RGS3: variants seen among roughly 807,000 people sequenced by gnomAD.
RGS3 encodes regulator of G-protein signalling 3.
A neutral mutation model predicts 132.6 loss-of-function variants in RGS3; 80 were observed. The observed-to-expected ratio is 0.60, with a 90% CI of 0.50 to 0.73. The LOEUF is 0.73. RGS3 is among the 30% of genes least tolerant of loss of function. RGS3 has a pLI of 0.00. For synonymous variants in RGS3, 598 were observed against 620.6 expected (o/e 0.96, Z 0.54); for missense variants, 1,382 against 1,530.8 (o/e 0.90, Z 1.62).
chr9:113,454,642 A>G (rs1250254342), intron 1 of RGS3, among the ~76,000 whole-genome samples: 2 of 151,884 alleles, frequency 1.3e-5, no homozygotes, highest in Non-Finnish European at 2.9e-5. Flanking sequence ...ACAAAAACCA[A>G]AATCAAAAAC....
chr9:113,512,367 C>T (rs1448203578), intron 14 of RGS3, among the ~76,000 whole-genome samples: 1 of 152,182 alleles, frequency 6.6e-6, no homozygotes, highest in East Asian at 1.9e-4. Flanking sequence ...TGTGCCCATC[C>T]AGGGCTCATG....
chr9:113,549,469 CT>C (rs148990898), intron 19 of RGS3, among the ~76,000 whole-genome samples: 1 of 151,424 alleles, frequency 6.6e-6, no homozygotes, highest in Non-Finnish European at 1.5e-5. Context: ...ATGCAGTTGA[CT>C]TTTTTTTTGT....
At position 113,553,456 on chromosome 9, in the gene RGS3, AAAAATATATAT is replaced by A. The variant is rs1189717018; in HGVS notation, c.2037+16540_2037+16550del. 1.8e-3 allele frequency among the ~76,000 whole-genome samples: 180 copies of A among 98,004 alleles called. 1 individual carries two copies. Among genetic ancestry groups the A allele is most frequent in the African/African-American group, 6.9e-3 (164 of 23,656 alleles). The allele number at this position is 98,004 out of a possible 152,430, so 64.3% of individuals were successfully genotyped here. ...AAACTCTGTTTAAAAAAAAAAAAAA[AAAAATATATAT>A]ATATATATATATATATATATATATG... On this transcript the variant is annotated intron_variant, in intron 19 of 24. Coordinates refer to ENST00000350696, the Ensembl canonical transcript of RGS3.
At chr9:113,475,916 C>T (rs1338853330) in intron 3 of RGS3, among the ~76,000 whole-genome samples, 1 of 151,956 alleles carries the variant, frequency 6.6e-6, no homozygotes, top group Non-Finnish European at 1.5e-5. Context: ...GGAGGCTGCC[C>T]TCTATTTTTT....
chr9:113,512,392 C>T (rs1353421712), intron 14 of RGS3, among the ~76,000 whole-genome samples: 3 of 152,214 alleles, frequency 2.0e-5, no homozygotes, highest in African/African-American at 4.8e-5. Context: ...TTCTACTCCT[C>T]TCTCCGTGAC....
exon 16 of RGS3, chr9:113,517,582 A>G (rs929407460): frequency 6.2e-7 from 1 of 1,613,506 alleles, no homozygotes; most frequent in Non-Finnish European, 8.5e-7. Flanking sequence ...TCCTGCTGTC[A>G]GAGGAGCTGC....
At position 113,541,864 on chromosome 9, in the gene RGS3, C is replaced by T. The variant is rs1385174724; in HGVS notation, c.2037+4946C>T. 8 of 986,716 alleles carry T rather than the reference C, an allele frequency of 8.1e-6. No individual in the cohort carries two copies. In the Admixed American group the frequency reaches 3.7e-4, roughly 45 times the overall value. 61.1% of individuals were successfully genotyped at this position (986,716 alleles called of 1,614,324 possible). ...CATTTTCCACCTGTACACATTGGCT[C>T]ATTCATTCGATGGATATTTCGGGTG... On this transcript the variant is annotated intron_variant, in intron 19 of 24. Coordinates refer to ENST00000350696, the Ensembl canonical transcript of RGS3.
intron 16 of RGS3, among the ~76,000 whole-genome samples, chr9:113,521,140 G>C (rs376757370): frequency 2.0e-5 from 3 of 152,292 alleles, no homozygotes; most frequent in South Asian, 4.1e-4. Context: ...CAGGGCTGTG[G>C]TGGGAAGGGT....
upstream of RGS3, among the ~76,000 whole-genome samples, chr9:113,457,022 C>G (rs1829377443): frequency 6.6e-6 from 1 of 152,202 alleles, no homozygotes; most frequent in African/African-American, 2.4e-5. Flanking sequence ...TCTCAAACTC[C>G]TGAACTCAGG....
At chr9:113,505,222 A>C in intron 10 of RGS3, 1 of 569,784 alleles carries the variant, frequency 1.8e-6, no homozygotes, top group Non-Finnish European at 3.2e-6. Context: ...GCCTGGGTTT[A>C]CTTGCTGAGC....
chr9:113,519,510 CAAAAAA>C (rs35813905), intron 16 of RGS3, among the ~76,000 whole-genome samples: 2 of 99,612 alleles, frequency 2.0e-5, no homozygotes, highest in African/African-American at 3.3e-5. Flanking sequence ...TTACTCACAC[CAAAAAA>C]AAAAAAAAAA....
At chr9:113,472,769 G>A (rs901212975) in intron 3 of RGS3, among the ~76,000 whole-genome samples, 9 of 152,136 alleles carry the variant, frequency 5.9e-5, no homozygotes, top group Non-Finnish European at 7.4e-5. Context: ...AAGTGTGGCC[G>A]TGCACGGTGG....
chr9:113,532,060 TC>T (rs1476436273), intron 18 of RGS3, among the ~76,000 whole-genome samples: 1 of 152,218 alleles, frequency 6.6e-6, no homozygotes, highest in African/African-American at 2.4e-5. Context: ...GCCCAGTGCT[TC>T]TGGGCCAGGG....
intron 3 of RGS3, among the ~76,000 whole-genome samples, chr9:113,477,512 T>A (rs1830031055): frequency 6.6e-6 from 1 of 152,164 alleles, no homozygotes; most frequent in Non-Finnish European, 1.5e-5. Context: ...AAACCTGTTC[T>A]CTAACCAGAA....
intron 1 of RGS3, among the ~76,000 whole-genome samples, chr9:113,446,284 G>A (rs538956051): frequency 1.3e-5 from 2 of 152,238 alleles, no homozygotes; most frequent in South Asian, 4.1e-4. Flanking sequence ...CAGATATTGG[G>A]TATCTAATAC....
chr9:113,541,552 C>T, intron 19 of RGS3: 1 of 1,479,096 alleles, frequency 6.8e-7, no homozygotes. Flanking sequence ...CTAGGGTCAT[C>T]TGAAGGGAGT....
Position 113,565,873 on chromosome 9 carries a change from CTCTGTG to C in RGS3, c.2038-17575_2038-17570del, listed in dbSNP as rs1177748920. 1 of 149,292 alleles carries C rather than the reference CTCTGTG, an allele frequency of 6.7e-6. No homozygotes were observed. Among genetic ancestry groups the C allele is most frequent in the Non-Finnish European group, 1.3e-5 (1 of 74,684 alleles). The allele number at this position is 149,292 out of a possible 1,614,324, so 9.2% of individuals were successfully genotyped here. A position where few individuals can be genotyped will look rare whatever the true frequency, so the allele number is the denominator to read the frequency against. On this transcript the variant is annotated intron_variant, in intron 19 of 24. Transcript: ENST00000350696. This position sits in a 1 kb window ranked among gnomAD's most constrained non-coding sequence, Gnocchi z 5.7. Reference sequence around the variant, plus strand: ...CCATTTGTGCTCTGTTCTGAGATAGCTCTGTGTGTGTGTGTGTGTGTGTGTGTGTGT... The same window carrying C: ...CCATTTGTGCTCTGTTCTGAGATAGCTGTGTGTGTGTGTGTGTGTGTGTGT...
At chr9:113,581,019 C>A in intron 19 of RGS3, 1 of 969,572 alleles carries the variant, frequency 1.0e-6, no homozygotes, top group Non-Finnish European at 1.2e-6. Flanking sequence ...GGTGGCTGGG[C>A]CAGGGGGTGG....
intron 16 of RGS3, among the ~76,000 whole-genome samples, chr9:113,517,931 G>A (rs764062756): frequency 5.3e-5 from 8 of 152,168 alleles, no homozygotes; most frequent in Non-Finnish European, 1.2e-4. Flanking sequence ...CCCTGGCTGT[G>A]GGGAGTGACT....
Sources: allele counts gnomAD v4.1 joint callset (sites outside exome capture counted in the v4.1 genomes callset), GRCh38; gene constraint gnomAD v4.1.1; non-coding constraint Gnocchi (gnomAD v3.1); transcripts MANE v1.5; gene names NCBI Gene and HGNC (gene_info 2026-07-23, HGNC 2026-07-21).